The following MAF variants were observed in gnomAD, a reference collection of about 807,000 sequenced individuals.
The protein encoded by MAF is MAF bZIP transcription factor, also known as transcription factor Maf.
MAF carries 10 observed loss-of-function variants against 22.0 expected under a neutral mutation model. That is an observed-to-expected ratio of 0.45 (90% CI 0.28 to 0.77). The LOEUF (loss-of-function observed/expected upper bound fraction) is 0.77. MAF is among the 30% of genes least tolerant of loss of function. MAF has a pLI of 0.12. For missense variants in MAF, 544 were observed against 548.4 expected (o/e 0.99, Z 0.08); for synonymous variants, 337 against 255.8 (o/e 1.32, Z -3.03).
At chr16:79,522,898 A>G in the MAF span, among the ~76,000 whole-genome samples, 3 of 152,244 alleles carry the variant, frequency 2.0e-5, no homozygotes, top group Admixed American at 6.5e-5. Flanking sequence ...CAGTGCTGGC[A>G]TATCCCTGAG....
At chr16:79,245,158 C>T in the MAF span, among the ~76,000 whole-genome samples, 2 of 151,850 alleles carry the variant, frequency 1.3e-5, no homozygotes, top group African/African-American at 2.4e-5. Flanking sequence ...TAGGCACGGG[C>T]GAAGACTTCA....
the MAF span, among the ~76,000 whole-genome samples, chr16:79,392,021 G>A: frequency 6.7e-6 from 1 of 150,192 alleles, no homozygotes; most frequent in Non-Finnish European, 1.5e-5. Context: ...TAAGGAAAGA[G>A]AGAGAGGGAA....
chr16:79,517,271 A>G, the MAF span, among the ~76,000 whole-genome samples: 5 of 152,194 alleles, frequency 3.3e-5, no homozygotes, highest in African/African-American at 1.2e-4. Context: ...GCCTAGCAGC[A>G]CCAGAGAGTA....
chr16:79,439,190 C>G, the MAF span, among the ~76,000 whole-genome samples: 4 of 151,446 alleles, frequency 2.6e-5, no homozygotes, highest in East Asian at 5.9e-4. Context: ...TTAAGCAGTT[C>G]TTTGCACTGC....
the MAF span, among the ~76,000 whole-genome samples, chr16:79,435,067 A>G: frequency 1.3e-5 from 2 of 152,206 alleles, no homozygotes; most frequent in Non-Finnish European, 2.9e-5. Flanking sequence ...CATCCCATCA[A>G]CGAAGACTCT....
At chr16:79,355,224 C>A in the MAF span, among the ~76,000 whole-genome samples, 1 of 152,190 alleles carries the variant, frequency 6.6e-6, no homozygotes, top group Non-Finnish European at 1.5e-5. Flanking sequence ...ACTTTCCCTG[C>A]TGGAAAACGT....
At chr16:79,244,252 A>G in the MAF span, among the ~76,000 whole-genome samples, 1 of 152,056 alleles carries the variant, frequency 6.6e-6, no homozygotes, top group South Asian at 2.1e-4. Context: ...AGGGTATTCA[A>G]ATAGGAACAG....
chr16:79,404,189 G>C, the MAF span, among the ~76,000 whole-genome samples: 1 of 135,906 alleles, frequency 7.4e-6, no homozygotes, highest in African/African-American at 3.1e-5. Context: ...TTTTCAGATG[G>C]AGTCTCATTC....
chr16:79,216,181 G>C, the MAF span, among the ~76,000 whole-genome samples: 1 of 145,728 alleles, frequency 6.9e-6, no homozygotes, highest in Non-Finnish European at 1.5e-5. Context: ...ACGTGTATAT[G>C]TATATATGTC....
At chr16:79,282,512 G>A in the MAF span, among the ~76,000 whole-genome samples, 1 of 152,180 alleles carries the variant, frequency 6.6e-6, no homozygotes, top group Non-Finnish European at 1.5e-5. Context: ...GAATCTTTAA[G>A]TGACAGAAGT....
At chr16:79,395,483 G>T in the MAF span, among the ~76,000 whole-genome samples, 4 of 152,140 alleles carry the variant, frequency 2.6e-5, no homozygotes, top group African/African-American at 2.4e-5. Flanking sequence ...GAGGAGGGTG[G>T]GTCCTAATCT....
chr16:79,546,506 T>A, the MAF span, among the ~76,000 whole-genome samples: 1 of 152,220 alleles, frequency 6.6e-6, no homozygotes, highest in Non-Finnish European at 1.5e-5. Context: ...TTCATCTTTA[T>A]GGAAATTTCC....
the MAF span, among the ~76,000 whole-genome samples, chr16:79,379,946 A>C: frequency 6.6e-6 from 1 of 152,218 alleles, no homozygotes; most frequent in Non-Finnish European, 1.5e-5. Context: ...ATAATGGAGC[A>C]GTTCACAAAA....
chr16:79,490,551 A>T, the MAF span, among the ~76,000 whole-genome samples: 1 of 152,214 alleles, frequency 6.6e-6, no homozygotes, highest in African/African-American at 2.4e-5. Context: ...ATGCACTGAC[A>T]TAAACAGATA....
chr16:79,338,789 G>C, the MAF span, among the ~76,000 whole-genome samples: 1 of 152,122 alleles, frequency 6.6e-6, no homozygotes, highest in Non-Finnish European at 1.5e-5. Context: ...TACCCCATCC[G>C]AGCCTCAGTT....
the MAF span, among the ~76,000 whole-genome samples, chr16:79,565,125 C>G: frequency 1.3e-5 from 2 of 152,162 alleles, no homozygotes; most frequent in East Asian, 3.9e-4. Flanking sequence ...GGTGTTCACA[C>G]CATTCAGAGC....
chr16:79,544,399 G>A, the MAF span, among the ~76,000 whole-genome samples: 1 of 152,130 alleles, frequency 6.6e-6, no homozygotes, highest in African/African-American at 2.4e-5. Context: ...GGACAGCACT[G>A]ATGTAGAGAT....
the MAF span, among the ~76,000 whole-genome samples, chr16:79,512,037 C>G: frequency 6.6e-6 from 1 of 152,200 alleles, no homozygotes; most frequent in Non-Finnish European, 1.5e-5. Flanking sequence ...AACTTCTTCT[C>G]CAATATTCCT....
the MAF span, among the ~76,000 whole-genome samples, chr16:79,336,602 A>G: frequency 6.6e-6 from 1 of 152,176 alleles, no homozygotes; most frequent in African/African-American, 2.4e-5. Context: ...CTATCATTTA[A>G]CCATTCCAGT....
Sources: gnomAD v4.1 joint callset for allele counts (sites outside exome capture counted in the v4.1 genomes callset) on GRCh38, gnomAD v4.1.1 for gene constraint, MANE v1.5 for transcripts, NCBI Gene and HGNC (gene_info 2026-07-23, HGNC 2026-07-21) for gene names.